DENND5A: variants seen among roughly 807,000 people sequenced by gnomAD.
DENND5A encodes DENN domain-containing protein 5A.
A neutral mutation model predicts 140.3 loss-of-function variants in DENND5A; 64 were observed. That is an observed-to-expected ratio of 0.46 (90% CI 0.37 to 0.56). The LOEUF (loss-of-function observed/expected upper bound fraction) is 0.56. DENND5A is among the 20% of genes least tolerant of loss of function. DENND5A has a pLI of 0.00. For synonymous variants in DENND5A, 605 were observed against 607.7 expected, an observed-to-expected ratio of 1.00 and a Z score of 0.07; for missense variants, 1,292 against 1,593.8, an observed-to-expected ratio of 0.81 and a Z score of 3.22.
chr11:9,181,712 C>T (rs565145793), intron 5 of DENND5A, among the ~76,000 whole-genome samples: 1 of 152,220 alleles, frequency 6.6e-6, no homozygotes, highest in Non-Finnish European at 1.5e-5. Flanking sequence ...GCACTCCAGC[C>T]TGGGCAACAG....
intron 15 of DENND5A, among the ~76,000 whole-genome samples, chr11:9,147,413 A>T (rs555628934): frequency 6.6e-6 from 1 of 152,334 alleles, no homozygotes; most frequent in Admixed American, 6.5e-5. Context: ...CAAGTGTCAG[A>T]AGTCATGAAA....
intron 1 of DENND5A, among the ~76,000 whole-genome samples, chr11:9,246,540 G>T (rs1338847020): frequency 6.6e-6 from 1 of 151,174 alleles, no homozygotes; most frequent in African/African-American, 2.4e-5. Context: ...TGAACCCAGG[G>T]GGTGGAGGTT....
intron 1 of DENND5A, among the ~76,000 whole-genome samples, chr11:9,208,408 T>C (rs1590277664): frequency 6.6e-6 from 1 of 152,216 alleles, no homozygotes; most frequent in Non-Finnish European, 1.5e-5. Context: ...TAAAGGGACT[T>C]GTGGTTATTA....
chr11:9,240,055 A>C (rs1309320027), intron 1 of DENND5A, among the ~76,000 whole-genome samples: 3 of 152,184 alleles, frequency 2.0e-5, no homozygotes, highest in African/African-American at 7.2e-5. Flanking sequence ...AAAGCTAGAT[A>C]ATAGTACTCT....
At chr11:9,258,698 C>T (rs1852059930) in intron 1 of DENND5A, among the ~76,000 whole-genome samples, 1 of 152,160 alleles carries the variant, frequency 6.6e-6, no homozygotes. Context: ...GTCTGCAAAG[C>T]ATGCAAAATA....
intron 1 of DENND5A, among the ~76,000 whole-genome samples, chr11:9,257,182 G>A (rs779733369): frequency 4.6e-5 from 7 of 151,722 alleles, no homozygotes; most frequent in South Asian, 2.1e-4. Flanking sequence ...GCTAATTTTT[G>A]TATTTTTAGT....
At chr11:9,147,645 T>C (rs1024576041) in intron 15 of DENND5A, among the ~76,000 whole-genome samples, 1 of 152,192 alleles carries the variant, frequency 6.6e-6, no homozygotes, top group Admixed American at 6.5e-5. Context: ...CTAGGACAGA[T>C]TCAGAGGCGA....
At chr11:9,232,293 C>T (rs1222193837) in intron 1 of DENND5A, among the ~76,000 whole-genome samples, 2 of 151,598 alleles carry the variant, frequency 1.3e-5, no homozygotes, top group African/African-American at 2.4e-5. Flanking sequence ...AGAATGAAAA[C>T]GCACAGATTA....
chr11:9,159,578 A>G (rs940583450), intron 12 of DENND5A, among the ~76,000 whole-genome samples: 7 of 152,188 alleles, frequency 4.6e-5, no homozygotes, highest in Admixed American at 6.5e-5. Context: ...TTGGCCTCCC[A>G]AAGTGCTGGG....
chr11:9,217,873 C>T (rs925678944), intron 1 of DENND5A, among the ~76,000 whole-genome samples: 43 of 152,270 alleles, frequency 2.8e-4, no homozygotes, highest in Non-Finnish European at 5.3e-4. Flanking sequence ...TTTTCCCACA[C>T]ACAAAAATTA....
At chr11:9,181,758 C>T (rs1848740910) in intron 5 of DENND5A, among the ~76,000 whole-genome samples, 1 of 151,636 alleles carries the variant, frequency 6.6e-6, no homozygotes, top group Non-Finnish European at 1.5e-5. Flanking sequence ...AAAATAAATT[C>T]CTGGTGAATT....
intron 10 of DENND5A, among the ~76,000 whole-genome samples, chr11:9,169,354 G>A (rs1336444269): frequency 6.6e-6 from 1 of 152,084 alleles, no homozygotes; most frequent in East Asian, 1.9e-4. Context: ...GCTGAGGCAG[G>A]GGAATTGCTT....
chr11:9,252,178 G>GT (rs11464181), intron 1 of DENND5A, among the ~76,000 whole-genome samples: 30,809 of 150,012 alleles, frequency 0.21, 3,291 homozygotes, highest in African/African-American at 0.25. Flanking sequence ...CGCGCCTGTA[G>GT]TCCCAGCTAC....
chr11:9,158,552 A>G (rs910526988), intron 12 of DENND5A, among the ~76,000 whole-genome samples: 21 of 152,016 alleles, frequency 1.4e-4, no homozygotes, highest in African/African-American at 4.8e-4. Flanking sequence ...TGTCTCAAAA[A>G]TTAAATTAAA....
At chr11:9,227,036 C>A (rs573574395) in intron 1 of DENND5A, among the ~76,000 whole-genome samples, 2 of 152,036 alleles carry the variant, frequency 1.3e-5, no homozygotes, top group South Asian at 2.1e-4. Flanking sequence ...GGCATGGTAG[C>A]ACATGCCTGT....
chr11:9,143,541 C>T, intron 19 of DENND5A, 56 bp from the exon 20 acceptor site: 1 of 1,435,432 alleles, frequency 7.0e-7, no homozygotes, highest in African/African-American at 1.4e-5. Context: ...CAGTGCTTAG[C>T]TGCCTGAGCA....
intron 1 of DENND5A, among the ~76,000 whole-genome samples, chr11:9,210,868 T>C (rs1252381390): frequency 6.6e-6 from 1 of 152,172 alleles, no homozygotes; most frequent in Non-Finnish European, 1.5e-5. Context: ...GGGAGGATAA[T>C]ATAAAGATCT....
Position 9,203,575 on chromosome 11 carries a change from C to T in DENND5A, c.949+85G>A, listed in dbSNP as rs977481241. 3.4e-6 allele frequency: 5 copies of T among 1,475,232 alleles called. No homozygotes were observed. The African/African-American group carries it at 5.6e-5, about 17-fold the overall frequency. 91.4% of individuals were successfully genotyped at this position (1,475,232 alleles called of 1,614,324 possible). A position where few individuals can be genotyped will look rare whatever the true frequency, so the allele number is the denominator to read the frequency against. On this transcript the variant is annotated intron_variant, in intron 4 of 22. Coordinates refer to ENST00000328194, the MANE Select transcript of DENND5A (RefSeq NM_015213.4). The stretch of plus-strand genomic sequence containing the variant: ...TTGCTCAAACTGTAATAGCTCTTAA[C>T]CTTTACAGTCAGCCTCACTGTATCT...
intron 1 of DENND5A, among the ~76,000 whole-genome samples, chr11:9,251,848 G>A: frequency 6.6e-6 from 1 of 151,338 alleles, no homozygotes; most frequent in South Asian, 2.1e-4. Context: ...AATTAGACTG[G>A]CGTGGTGGCA....
Sources: gnomAD v4.1 joint callset for allele counts (sites outside exome capture counted in the v4.1 genomes callset) on GRCh38, gnomAD v4.1.1 for gene constraint, MANE v1.5 for transcripts, NCBI Gene and HGNC (gene_info 2026-07-23, HGNC 2026-07-21) for gene names.